Variants in NID2 observed in about 807,000 individuals in gnomAD.
NID2 encodes nidogen 2, also known as nidogen-2.
Under a neutral mutation model 145.4 loss-of-function variants are expected in NID2, and 83 were observed. The observed-to-expected ratio is 0.57, with a 90% confidence interval of 0.48 to 0.69. The LOEUF is 0.69. Among genes scored for constraint, NID2 ranks in the 30% least tolerant of loss-of-function variants. The pLI is 0.00. For synonymous variants in NID2, 739 were observed against 701.3 expected (o/e 1.05, Z -0.85); for missense variants, 1,807 against 1,765.7 (o/e 1.02, Z -0.42).
chr14:52,064,036 A>T (rs1407802905), intron 2 of NID2, among the ~76,000 whole-genome samples: 1 of 152,180 alleles, frequency 6.6e-6, no homozygotes, highest in Non-Finnish European at 1.5e-5. Context: ...GTGATATCTC[A>T]GACTCAGTCT....
intron 16 of NID2, 172 bp downstream of exon 16, chr14:52,014,113 AAG>A (rs1891126742): frequency 1.3e-6 from 1 of 766,710 alleles, no homozygotes; most frequent in Admixed American, 2.1e-5. Flanking sequence ...GACTCCCAGC[AAG>A]AGAGAGCCCT....
At position 52,005,202 on chromosome 14, in the gene NID2, T is replaced by G. The variant is rs1890714501; in HGVS notation, c.*284A>C. On this transcript the variant is annotated 3_prime_UTR_variant, in exon 22 of 22. Transcript: ENST00000216286. ...AGTTGAATGAATTTGATCTTTTAAA[T>G]ATTAATGATAAATGTTTACAAGAAG... 2 of 305,478 alleles carry G rather than the reference T, an allele frequency of 6.5e-6. No individual in the cohort carries two copies. Among genetic ancestry groups the G allele is most frequent in the Non-Finnish European group, 1.2e-5 (2 of 167,028 alleles). 18.9% of individuals were successfully genotyped at this position (305,478 alleles called of 1,614,324 possible).
chr14:52,038,762 T>C lies in NID2; in HGVS notation c.2242A>G (p.Ile748Val). 2 of 1,579,172 alleles carry C rather than the reference T, an allele frequency of 1.3e-6. No homozygotes were observed. The highest frequency in any genetic ancestry group is 1.7e-6 in the Non-Finnish European group (2 of 1,163,304). Residue 748 changes from isoleucine (I) to valine (V), a missense_variant, in exon 9 of 22, where the codon ATT becomes GTT. Physicochemically the swap from Ile to Val is conservative, Grantham distance 29. Transcript: ENST00000216286. Reference sequence around the variant, plus strand: ...GAAACCTTACCTTTGACCGGGCCAATTTGATTGGTCACAGCAAATCTAAGC... The same window carrying C: ...GAAACCTTACCTTTGACCGGGCCAACTTGATTGGTCACAGCAAATCTAAGC... ...RVLRFAVTNQ[I>V]GPVKEDSDPT...
chr14:52,048,755 C>T (rs1248126361), intron 5 of NID2, among the ~76,000 whole-genome samples: 1 of 152,114 alleles, frequency 6.6e-6, no homozygotes, highest in African/African-American at 2.4e-5. Flanking sequence ...GCAGGCACAC[C>T]TGGCTCTTTG....
chr14:52,006,321 C>T lies in NID2; in HGVS notation c.4004+216G>A, dbSNP rs1413056723. 3.4e-5 allele frequency: 18 copies of T among 524,102 alleles called. No individual in the cohort carries two copies. The Admixed American group carries it at 6.0e-4, about 18-fold the overall frequency. 32.5% of individuals were successfully genotyped at this position (524,102 alleles called of 1,614,324 possible). A position where few individuals can be genotyped will look rare whatever the true frequency, so the allele number is the denominator to read the frequency against. Reference sequence around the variant, plus strand: ...CTTTTTAAGCTATATGTGAGCAATACCATTCGATTTCTGGGTGAAGTAAAA... The same window carrying T: ...CTTTTTAAGCTATATGTGAGCAATATCATTCGATTTCTGGGTGAAGTAAAA... On this transcript the variant is annotated intron_variant, in intron 20 of 21. Coordinates refer to ENST00000216286, the MANE Select transcript of NID2 (RefSeq NM_007361.4).
At chr14:52,032,069 C>A (rs1891889742) in intron 9 of NID2, among the ~76,000 whole-genome samples, 1 of 152,220 alleles carries the variant, frequency 6.6e-6, no homozygotes, top group African/African-American at 2.4e-5. Context: ...GCCCTACTGC[C>A]CACGTTATGG....
intron 10 of NID2, 90 bp from the exon 11 acceptor site, chr14:52,028,940 G>C: frequency 7.6e-7 from 1 of 1,315,956 alleles, no homozygotes; most frequent in African/African-American, 1.5e-5. Context: ...TCACTAGTAT[G>C]ATGCTTCAAT....
intron 6 of NID2, among the ~76,000 whole-genome samples, 196 bp from the exon 7 acceptor site, chr14:52,042,546 C>T (rs1892324125): frequency 6.6e-6 from 1 of 152,050 alleles, no homozygotes; most frequent in Admixed American, 6.5e-5. Context: ...CCTTCTACTC[C>T]ACTACACTTT....
Position 52,068,145 on chromosome 14 carries a change from T to C in NID2, c.247A>G (p.Ile83Val). ...SNLYVGTNGI[I>V]STQDFPRETQ... ...TCCCTGGGGAAGTCCTGAGTGGAGATGATGCCGTTGGTGCCCACCTGGGAG... is the reference window on the plus strand; with the variant it reads ...TCCCTGGGGAAGTCCTGAGTGGAGACGATGCCGTTGGTGCCCACCTGGGAG... Residue 83 changes from isoleucine to valine, a missense_variant, in exon 2 of 22, where the codon ATC (isoleucine) becomes GTC (valine). Transcript: ENST00000216286. 6.2e-7 allele frequency: 1 copy of C among 1,613,094 alleles called. No homozygotes were observed. Among genetic ancestry groups the C allele is most frequent in the South Asian group, 1.1e-5 (1 of 90,650 alleles).
chr14:52,043,979 G>C (rs772422244), intron 5 of NID2, among the ~76,000 whole-genome samples: 3 of 152,126 alleles, frequency 2.0e-5, no homozygotes, highest in Non-Finnish European at 4.4e-5. Flanking sequence ...TCTAGTGTGA[G>C]ACACGGATGC....
rs76776413 is a variant in NID2, at chr14:52,065,303, T to A, written c.534+2555A>T. Among the ~76,000 whole-genome samples the A allele has an allele frequency of 3.0e-4, 45 of 152,226 alleles. No homozygotes were observed. The East Asian group carries it at 8.1e-3, about 27-fold the overall frequency. On this transcript the variant is annotated intron_variant, in intron 2 of 21. Transcript: ENST00000216286. ...TTTAAGAACGCCATGTAGAACTCAG[T>A]CCTTCAAGCAAATTAGATTACTGTT...
At chr14:52,068,273 C>T in intron 1 of NID2, 110 bp from the exon 2 acceptor site, 2 of 1,096,716 alleles carry the variant, frequency 1.8e-6, no homozygotes, top group Non-Finnish European at 1.4e-6. Context: ...CTCTCTCCTT[C>T]CCCACTGGCC....
At chr14:52,007,627 C>T (rs1416071468) in intron 19 of NID2, 183 bp downstream of exon 19, 1 of 621,484 alleles carries the variant, frequency 1.6e-6, no homozygotes, top group Non-Finnish European at 2.8e-6. Flanking sequence ...TTCCCTCCAC[C>T]CAAACCCCAG....
intron 9 of NID2, among the ~76,000 whole-genome samples, chr14:52,030,492 AGAAAGAAAG>A (rs577992773): frequency 0.11 from 5,890 of 54,302 alleles, 273 homozygotes; most frequent in East Asian, 0.21. Context: ...AAAGAAAGAA[AGAAAGAAAG>A]AGAAAGAAAG....
intron 14 of NID2, among the ~76,000 whole-genome samples, chr14:52,015,491 T>C (rs1168257525): frequency 6.6e-6 from 1 of 152,202 alleles, no homozygotes; most frequent in Non-Finnish European, 1.5e-5. Flanking sequence ...TGATGCTTCT[T>C]TCTTGCCAGG....
In NID2 at chr14:52,029,576, C is replaced by T. The variant is rs1268756115; in HGVS notation, c.2372G>A (p.Gly791Glu). 1 of 1,613,164 alleles carries T rather than the reference C, an allele frequency of 6.2e-7. No individual in the cohort carries two copies. Among genetic ancestry groups the T allele is most frequent in the Admixed American group, 1.7e-5 (1 of 59,994 alleles). The change falls in exon 10 of 22, where the codon GGG becomes GAG. Residue 791 changes from glycine (G) to glutamate (E), a missense_variant. Physicochemically the swap from Gly to Glu is moderately conservative, Grantham distance 98 (BLOSUM62 -2). Coordinates refer to ENST00000216286, the MANE Select transcript of NID2 (RefSeq NM_007361.4). Reference sequence around the variant, plus strand: ...ACAGTTCCGTCCATCTCCCTGGTACCCAGATGCGCACTCACAGGTGTAATC... The same window carrying T: ...ACAGTTCCGTCCATCTCCCTGGTACTCAGATGCGCACTCACAGGTGTAATC... Reference protein sequence around the residue: ...GVDYTCECASGYQGDGRNCVD... With the variant: ...GVDYTCECASEYQGDGRNCVD...
At chr14:52,021,053 A>G (rs1891388139) in intron 12 of NID2, among the ~76,000 whole-genome samples, 1 of 151,936 alleles carries the variant, frequency 6.6e-6, no homozygotes, top group African/African-American at 2.4e-5. Context: ...TTGAATGGTT[A>G]AAACTAACGC....
In NID2 at chr14:52,010,925, A is replaced by G. The variant is rs1428193067; in HGVS notation, c.3673T>C (p.Tyr1225His). The G allele has an allele frequency of 1.9e-6, 3 of 1,613,992 alleles. No homozygotes were observed. Among genetic ancestry groups the G allele is most frequent in the Middle Eastern group, 1.7e-4 (1 of 5,854 alleles). Residue 1225 changes from tyrosine (Y) to histidine (H), a missense_variant, in exon 18 of 22, where the codon TAC becomes CAC. By Grantham distance (83) the Tyr-to-His change is moderately conservative. Coordinates refer to ENST00000216286, the MANE Select transcript of NID2 (RefSeq NM_007361.4). ...GCACGGGGATTCACCAGATCTGTGT[A>G]GAAGAGGACCTTGCGCTCAGAGCCA... ...LDGSERKVLF[Y>H]TDLVNPRAIA...
chr14:52,028,531 C>T (rs1043020264), intron 11 of NID2, 191 bp downstream of exon 11: 1 of 517,732 alleles, frequency 1.9e-6, no homozygotes, highest in Non-Finnish European at 3.2e-6. Flanking sequence ...CTGCCTCAGC[C>T]TTCCAAAGCG....
Sources: allele counts gnomAD v4.1 joint callset (sites outside exome capture counted in the v4.1 genomes callset), GRCh38; gene constraint gnomAD v4.1.1; transcripts MANE v1.5; gene names NCBI Gene and HGNC (gene_info 2026-07-23, HGNC 2026-07-21).